Variants in CHODL observed in about 807,000 individuals in gnomAD.
The protein encoded by CHODL is chondrolectin, also known as transmembrane protein MT75.
Under a neutral mutation model 34.5 loss-of-function variants are expected in CHODL, and 29 were observed. That is an observed-to-expected ratio of 0.84 (90% CI 0.63 to 1.15). The LOEUF (loss-of-function observed/expected upper bound fraction) is 1.15, where lower values mean the gene tolerates loss of function less well. CHODL is among the 50% of genes most tolerant of loss of function. CHODL has a pLI of 0.00. For missense variants in CHODL, 332 were observed against 332.5 expected (o/e 1.00, Z 0.01); for synonymous variants, 125 against 116.1 (o/e 1.08, Z -0.49).
intron 2 of CHODL, among the ~76,000 whole-genome samples, chr21:18,059,784 G>A (rs780902304): frequency 2.0e-5 from 3 of 152,052 alleles, no homozygotes; most frequent in Non-Finnish European, 4.4e-5. Flanking sequence ...ACTTATAAGC[G>A]GGGAGTGAAC....
chr21:18,150,323 T>C (rs2072948037), intron 2 of CHODL, among the ~76,000 whole-genome samples: 1 of 152,132 alleles, frequency 6.6e-6, no homozygotes, highest in Non-Finnish European at 1.5e-5. Flanking sequence ...TGGAGAGGTA[T>C]AGTGAGGCAT....
intron 2 of CHODL, among the ~76,000 whole-genome samples, chr21:18,040,555 G>C (rs2064362614): frequency 1.3e-5 from 2 of 151,774 alleles, no homozygotes; most frequent in Non-Finnish European, 1.5e-5. Flanking sequence ...CAATAAAATG[G>C]TATATTTGCT....
chr21:17,979,709 A>G (rs1212694036), intron 1 of CHODL, among the ~76,000 whole-genome samples: 4 of 152,174 alleles, frequency 2.6e-5, no homozygotes, highest in Non-Finnish European at 5.9e-5. Flanking sequence ...TGTTTGGAAA[A>G]TCGTTTCTTT....
At chr21:18,188,535 A>G (rs2073471680) in intron 2 of CHODL, among the ~76,000 whole-genome samples, 1 of 152,262 alleles carries the variant, frequency 6.6e-6, no homozygotes, top group Non-Finnish European at 1.5e-5. Context: ...TTAACGAAAG[A>G]TAAAAGAAGG....
At chr21:18,215,025 C>T (rs939479312) in intron 2 of CHODL, among the ~76,000 whole-genome samples, 6 of 151,908 alleles carry the variant, frequency 3.9e-5, no homozygotes, top group Admixed American at 1.3e-4. Flanking sequence ...GATAAAACAA[C>T]TGTAATAAAT....
chr21:18,017,726 G>A (rs1170003373), intron 1 of CHODL, among the ~76,000 whole-genome samples: 1 of 152,204 alleles, frequency 6.6e-6, no homozygotes, highest in Non-Finnish European at 1.5e-5. Flanking sequence ...CACACAGTGT[G>A]CCCACTGGGC....
intron 2 of CHODL, among the ~76,000 whole-genome samples, chr21:18,139,921 G>A (rs1194788555): frequency 2.0e-5 from 3 of 152,172 alleles, no homozygotes; most frequent in Admixed American, 6.5e-5. Context: ...ATATTTGAGA[G>A]AACTGAGGAA....
chr21:18,039,007 T>C lies in CHODL; in HGVS notation c.-45+11036T>C, dbSNP rs1339327618. 4.6e-5 allele frequency among the ~76,000 whole-genome samples: 7 copies of C among 151,742 alleles called. No homozygotes were observed. In the East Asian group the frequency reaches 1.4e-3, roughly 30 times the overall value. On this transcript the variant is annotated intron_variant, in intron 2 of 6. Transcript: ENST00000400127. ...GAAGATAAAGACTTACCTAGATAAG[T>C]CCATGGGGATCGCAAGATGTCTTTC... is the stretch of plus-strand genomic sequence containing the variant.
At chr21:17,973,428 T>C (rs1432550986) in intron 1 of CHODL, among the ~76,000 whole-genome samples, 1 of 147,996 alleles carries the variant, frequency 6.8e-6, no homozygotes, top group African/African-American at 2.5e-5. Context: ...TTTTTTTTTT[T>C]TTTTTTTGAG....
chr21:18,221,160 A>T (rs895335545), intron 2 of CHODL, among the ~76,000 whole-genome samples: 1 of 152,054 alleles, frequency 6.6e-6, no homozygotes, highest in African/African-American at 2.4e-5. Context: ...TCTTCTGCTT[A>T]ATCTAGTCTT....
chr21:18,206,259 T>C (rs1452248490), intron 2 of CHODL, among the ~76,000 whole-genome samples: 1 of 152,208 alleles, frequency 6.6e-6, no homozygotes, highest in Admixed American at 6.5e-5. Flanking sequence ...ATTATTGTAT[T>C]GAAGTTGATC....
rs918174430 is a variant in CHODL, at chr21:17,990,305, C to T, written c.-144-37567C>T. 4.6e-5 allele frequency among the ~76,000 whole-genome samples: 7 copies of T among 152,196 alleles called. No individual in the cohort carries two copies. In the East Asian group the frequency reaches 1.3e-3, roughly 29 times the overall value. ...TCTCTGACTCTGTCTTCACACTGTACACACACTTCCCAACATTAGCTACAA... is the reference window on the plus strand; with the variant it reads ...TCTCTGACTCTGTCTTCACACTGTATACACACTTCCCAACATTAGCTACAA... On this transcript the variant is annotated intron_variant, in intron 1 of 6. Transcript: ENST00000400127.
intron 2 of CHODL, among the ~76,000 whole-genome samples, chr21:18,086,941 G>T (rs906850689): frequency 1.4e-4 from 21 of 152,168 alleles, no homozygotes; most frequent in African/African-American, 5.1e-4. Flanking sequence ...CAGTGGCAGT[G>T]GTTAGAGCAA....
intron 1 of CHODL, among the ~76,000 whole-genome samples, chr21:18,014,214 C>T (rs1247556356): frequency 6.6e-6 from 1 of 151,978 alleles, no homozygotes; most frequent in East Asian, 1.9e-4. Flanking sequence ...ATATCAAAGA[C>T]ATGGAATTAA....
chr21:18,059,568 TAA>T (rs1028955006), intron 2 of CHODL, among the ~76,000 whole-genome samples: 9 of 151,564 alleles, frequency 5.9e-5, no homozygotes, highest in African/African-American at 2.2e-4. Context: ...GTTACATGGG[TAA>T]ACGTGCTGCA....
Position 17,918,826 on chromosome 21 carries a change from G to A in CHODL, c.-145+1426G>A, listed in dbSNP as rs146439480. 8.0e-3 allele frequency among the ~76,000 whole-genome samples: 1,215 copies of A among 152,306 alleles called. 18 individuals are homozygous for A. Among genetic ancestry groups the A allele is most frequent in the African/African-American group, 0.027 (1,119 of 41,552 alleles). On this transcript the variant is annotated intron_variant, in intron 1 of 6. Coordinates refer to the CHODL transcript ENST00000400127. ...CTACGAGCCTGTAAAATCAAAAGCA[G>A]GTTAGTTACTTCCTAGATACAATGG...
chr21:18,226,051 G>C (rs935923086), intron 2 of CHODL, among the ~76,000 whole-genome samples: 1 of 152,102 alleles, frequency 6.6e-6, no homozygotes, highest in Non-Finnish European at 1.5e-5. Context: ...AAATTGAGGG[G>C]AGGAAGGAGG....
At chr21:17,975,280 G>A (rs998618949) in intron 1 of CHODL, among the ~76,000 whole-genome samples, 3 of 152,076 alleles carry the variant, frequency 2.0e-5, no homozygotes, top group South Asian at 2.1e-4. Flanking sequence ...ATATGGACAC[G>A]TGTACTTGAG....
intron 2 of CHODL, among the ~76,000 whole-genome samples, chr21:18,178,414 C>G (rs560146072): frequency 6.6e-6 from 1 of 152,126 alleles, no homozygotes; most frequent in Non-Finnish European, 1.5e-5. Context: ...CAGTTGACCA[C>G]TGAACAATGT....
Sources: gnomAD v4.1 joint callset for allele counts (sites outside exome capture counted in the v4.1 genomes callset) on GRCh38, gnomAD v4.1.1 for gene constraint, MANE v1.5 for transcripts, NCBI Gene and HGNC (gene_info 2026-07-23, HGNC 2026-07-21) for gene names.